Variants in COL4A6 observed in about 807,000 individuals in gnomAD.
COL4A6 encodes the protein collagen type IV alpha 6 chain.
COL4A6 carries 59 observed loss-of-function variants against 126.7 expected under a neutral mutation model. The observed-to-expected ratio is 0.47, with a 90% confidence interval of 0.38 to 0.58. The LOEUF (loss-of-function observed/expected upper bound fraction) is 0.58. COL4A6 is among the 20% of genes least tolerant of loss of function. The probability of loss-of-function intolerance (pLI) is 0.00; values close to 1 mark genes in which losing one functional copy is unlikely to be tolerated. For missense variants in COL4A6, 1,285 were observed against 1,337.3 expected, an observed-to-expected ratio of 0.96 and a Z score of 0.61; for synonymous variants, 547 against 496.6, an observed-to-expected ratio of 1.10 and a Z score of -1.35.
rs746542152 is a variant in COL4A6, at chrX:108,195,188, C to T, written c.904-62G>A. On this transcript the variant is annotated intron_variant, in intron 14 of 44. Coordinates refer to ENST00000334504, the MANE Select transcript of COL4A6 (RefSeq NM_033641.4). Reference sequence around the variant, plus strand: ...AGGCTACCTAGAAAAAGCCACTAGACTTATATAACAAAGTTATCCAACTGA... The same window carrying T: ...AGGCTACCTAGAAAAAGCCACTAGATTTATATAACAAAGTTATCCAACTGA... The T allele has an allele frequency of 3.3e-6, 3 of 898,744 alleles. No individual in the cohort carries two copies. The African/African-American group carries it at 6.0e-5, about 18-fold the overall frequency. The allele number at this position is 898,744 out of a possible 1,213,427, so 74.1% of individuals were successfully genotyped here. A position where few individuals can be genotyped will look rare whatever the true frequency, so the allele number is the denominator to read the frequency against.
intron 2 of COL4A6, among the ~76,000 whole-genome samples, chrX:108,359,052 A>G (rs946036287): frequency 8.9e-6 from 1 of 112,044 alleles, no homozygotes. Context: ...ACCATTCTGA[A>G]AGCAGATCTG....
At chrX:108,195,274 A>AAT in intron 14 of COL4A6, 148 bp from the exon 15 acceptor site, 2 of 305,083 alleles carry the variant, frequency 6.6e-6, no homozygotes, top group Non-Finnish European at 1.2e-5. Flanking sequence ...TAGCTTAACG[A>AAT]CTTTTTTTTT....
rs373944000 is a variant in COL4A6 at position 108,219,708 on chromosome X, T to C, written c.314A>G (p.Asn105Ser). 7.5e-6 allele frequency: 9 copies of C among 1,206,881 alleles called. No homozygotes were observed. The highest frequency in any genetic ancestry group is 2.3e-4 in the Middle Eastern group (1 of 4,367). Residue 105 changes from asparagine to serine, a missense_variant, in exon 5 of 45, where the codon AAT becomes AGT. Transcript: ENST00000334504. ...PMGVPGFLGINGIPGHPGQPG... is the reference protein window; with the variant it reads ...PMGVPGFLGISGIPGHPGQPG... ...TGTGGACACACTCACCGGAATCCCA[T>C]TGATGCCAAGAAAGCCAGGAACTCC...
intron 3 of COL4A6, among the ~76,000 whole-genome samples, chrX:108,283,864 C>T (rs1469022833): frequency 9.0e-6 from 1 of 111,339 alleles, no homozygotes; most frequent in Non-Finnish European, 1.9e-5. Flanking sequence ...GGTAGAGCCT[C>T]TTTAATAAAA....
chrX:108,232,870 A>G (rs766824946), intron 3 of COL4A6, among the ~76,000 whole-genome samples: 2 of 111,448 alleles, frequency 1.8e-5, no homozygotes, highest in Non-Finnish European at 3.8e-5. Flanking sequence ...AAACTCGAAT[A>G]ACCAAACTCC....
At chrX:108,252,730 A>G (rs897092542) in intron 3 of COL4A6, among the ~76,000 whole-genome samples, 3 of 111,774 alleles carry the variant, frequency 2.7e-5, no homozygotes, top group African/African-American at 9.8e-5. Flanking sequence ...AACATTCCTG[A>G]TGTACATAGA....
At chrX:108,368,407 G>A (rs1016365586) in intron 2 of COL4A6, among the ~76,000 whole-genome samples, 8 of 111,232 alleles carry the variant, frequency 7.2e-5, no homozygotes, top group Non-Finnish European at 1.3e-4. Context: ...AGGACTAGAA[G>A]TTGTTCTGGG....
At chrX:108,270,928 A>T (rs1309695162) in intron 3 of COL4A6, among the ~76,000 whole-genome samples, 2 of 111,712 alleles carry the variant, frequency 1.8e-5, no homozygotes, top group African/African-American at 6.5e-5. Flanking sequence ...ATGGTTGCCC[A>T]TGAGTTCCTG....
chrX:108,372,486 A>G (rs1294784761), intron 2 of COL4A6, among the ~76,000 whole-genome samples: 2 of 112,037 alleles, frequency 1.8e-5, no homozygotes, highest in Non-Finnish European at 3.8e-5. Flanking sequence ...AACTCTCCAC[A>G]TCTAGACTGA....
rs1363978370 is a variant in COL4A6 at position 108,187,996 on chromosome X, G to T, written c.1619C>A (p.Pro540His). Reference sequence around the variant, plus strand: ...AATTGGTTCCCCCTTCTTTCCTTTGGGTCCTGAAGGACCCAGAGGCCCAAC... The same window carrying T: ...AATTGGTTCCCCCTTCTTTCCTTTGTGTCCTGAAGGACCCAGAGGCCCAAC... Reference protein sequence around the residue: ...GLVGPLGPSGPKGKKGEPILS... With the variant: ...GLVGPLGPSGHKGKKGEPILS... The change falls in exon 22 of 45, where the codon CCC (proline) becomes CAC (histidine). Residue 540 changes from proline (P) to histidine (H), a missense_variant. Pro to His is a moderately conservative substitution (Grantham distance 77). Coordinates refer to ENST00000334504, the MANE Select transcript of COL4A6 (RefSeq NM_033641.4). 2.6e-5 allele frequency: 31 copies of T among 1,197,416 alleles called. No individual in the cohort carries two copies. The highest frequency in any genetic ancestry group is 3.5e-5 in the Non-Finnish European group (31 of 886,928).
rs771663394 is a variant in COL4A6 at position 108,312,501 on chromosome X, G to A, written c.64-1673C>T. ...GTTTTAATAAGGGTGAGATCAAGAG[G>A]TACTCTGGCAGGAGGAAGCTAGGGG... On this transcript the variant is annotated intron_variant, in intron 2 of 44. Coordinates refer to ENST00000334504, the MANE Select transcript of COL4A6 (RefSeq NM_033641.4). Among the ~76,000 whole-genome samples the A allele has an allele frequency of 4.5e-5, 5 of 111,814 alleles. No homozygotes were observed. The South Asian group carries it at 1.9e-3, about 42-fold the overall frequency.
chrX:108,188,073 T>G, intron 21 of COL4A6, 46 bp from the exon 22 acceptor site: 1 of 1,075,277 alleles, frequency 9.3e-7, no homozygotes. Context: ...AGATGTAGAC[T>G]TCATAGAATT....
chrX:108,341,799 T>C (rs2039571780), intron 2 of COL4A6, among the ~76,000 whole-genome samples: 1 of 111,727 alleles, frequency 9.0e-6, no homozygotes, highest in South Asian at 3.7e-4. Context: ...TACTAGATTA[T>C]ATAAAGATTC....
intron 2 of COL4A6, among the ~76,000 whole-genome samples, chrX:108,351,011 T>C (rs188082159): frequency 1.7e-4 from 19 of 111,475 alleles, no homozygotes; most frequent in Non-Finnish European, 3.6e-4. Flanking sequence ...CCCTCTGTAA[T>C]AGCTTCTGTT....
chrX:108,185,153 A>T (rs927387746), intron 23 of COL4A6, among the ~76,000 whole-genome samples: 2 of 111,296 alleles, frequency 1.8e-5, no homozygotes, highest in African/African-American at 6.5e-5. Flanking sequence ...GCATTTTGAG[A>T]GGCCAACGCG....
intron 44 of COL4A6, 64 bp downstream of exon 44, chrX:108,159,398 C>T: frequency 8.7e-7 from 1 of 1,148,150 alleles, no homozygotes; most frequent in Non-Finnish European, 1.2e-6. Context: ...GTCCCTTGAG[C>T]CTGGGAACCA....
chrX:108,169,614 C>T lies in COL4A6; in HGVS notation c.3572G>A (p.Ser1191Asn), dbSNP rs768195870. 14 of 1,207,159 alleles carry T rather than the reference C, an allele frequency of 1.2e-5. No homozygotes were observed. The highest frequency in any genetic ancestry group is 1.8e-5 in the South Asian group (1 of 55,989). Residue 1191 changes from serine (S) to asparagine (N), a missense_variant, in exon 37 of 45, where the codon AGT (serine) becomes AAT (asparagine). Ser to Asn is a conservative substitution (Grantham distance 46). Transcript: ENST00000334504. ...TKGTHGTPGP[S>N]ITGVPGPAGL... is the part of the protein sequence containing the mutation. ...AGCAGGCCCAGGCACACCGGTGATA[C>T]TAGGTCCTAGGAGGAGATGCAGGGG...
At chrX:108,397,050 A>C (rs190409852) in intron 2 of COL4A6, among the ~76,000 whole-genome samples, 8 of 112,239 alleles carry the variant, frequency 7.1e-5, no homozygotes, top group Non-Finnish European at 1.5e-4. Flanking sequence ...CTTGTCTTAC[A>C]CATCGTATCT....
intron 22 of COL4A6, 37 bp from the exon 23 acceptor site, chrX:108,187,316 T>A (rs2034899139): frequency 1.9e-6 from 2 of 1,052,483 alleles, no homozygotes; most frequent in Admixed American, 2.9e-5. Flanking sequence ...AAAATTCAAC[T>A]CAGAGATTTA....
Sources: allele counts gnomAD v4.1 joint callset (sites outside exome capture counted in the v4.1 genomes callset), GRCh38; gene constraint gnomAD v4.1.1; transcripts MANE v1.5; gene names NCBI Gene and HGNC (gene_info 2026-07-23, HGNC 2026-07-21).